The following ZNF438 variants were observed in gnomAD, a reference collection of about 807,000 sequenced individuals.
The protein encoded by ZNF438 is zinc finger protein 438.
In ZNF438, 25 loss-of-function variants were observed where a neutral mutation model predicts 38.0. That is an observed-to-expected ratio of 0.66 (90% confidence interval 0.48 to 0.92). The LOEUF (loss-of-function observed/expected upper bound fraction) is 0.92, where lower values mean the gene tolerates loss of function less well. ZNF438 is among the 40% of genes least tolerant of loss of function. The probability of loss-of-function intolerance (pLI) is 0.00; values close to 1 mark genes in which losing one functional copy is unlikely to be tolerated. For synonymous variants in ZNF438, 372 were observed against 364.1 expected, an observed-to-expected ratio of 1.02 and a Z score of -0.25; for missense variants, 1,007 against 999.6, an observed-to-expected ratio of 1.01 and a Z score of -0.10.
intron 2 of ZNF438, among the ~76,000 whole-genome samples, chr10:30,926,864 T>A (rs1046725430): frequency 6.6e-6 from 1 of 152,144 alleles, no homozygotes; most frequent in African/African-American, 2.4e-5. Context: ...AACTGGCCCA[T>A]TATATTTTCT....
At chr10:30,875,902 G>T (rs1260282396) in intron 4 of ZNF438, among the ~76,000 whole-genome samples, 1 of 152,252 alleles carries the variant, frequency 6.6e-6, no homozygotes, top group Non-Finnish European at 1.5e-5. Flanking sequence ...ATTAATAATA[G>T]CCATTGAGAA....
intron 1 of ZNF438, among the ~76,000 whole-genome samples, chr10:31,018,747 T>A (rs2133237625): frequency 6.6e-6 from 1 of 152,266 alleles, no homozygotes; most frequent in Non-Finnish European, 1.5e-5. Context: ...AGGGAGAAGA[T>A]GAAGAGTAGT....
exon 5 of ZNF438, chr10:30,848,623 G>C: frequency 1.2e-6 from 2 of 1,614,188 alleles, no homozygotes; most frequent in South Asian, 1.1e-5. Context: ...GCTCAGTGCT[G>C]ATCACAACCC....
At chr10:30,972,603 T>A (rs1206443869) in intron 1 of ZNF438, among the ~76,000 whole-genome samples, 1 of 152,144 alleles carries the variant, frequency 6.6e-6, no homozygotes, top group Non-Finnish European at 1.5e-5. Context: ...GTAAGCCACA[T>A]GCACCATGGG....
chr10:30,902,779 G>C (rs2042166470), intron 3 of ZNF438, among the ~76,000 whole-genome samples: 1 of 152,224 alleles, frequency 6.6e-6, no homozygotes, highest in African/African-American at 2.4e-5. Flanking sequence ...GCCGCAGGTG[G>C]AGCTGCCTGC....
chr10:31,008,691 T>C lies in ZNF438; in HGVS notation c.-192+23142A>G, dbSNP rs139522537. ...ATATATTCATCAGCTGATAGATATC[T>C]AGGTTGTTTCCGCTGTTTAGCTATT... On this transcript the variant is annotated intron_variant, in intron 1 of 5. Coordinates refer to ENST00000413025, the Ensembl canonical transcript of ZNF438. 1.1e-4 allele frequency among the ~76,000 whole-genome samples: 16 copies of C among 152,354 alleles called. No individual in the cohort carries two copies. In the East Asian group the frequency reaches 3.1e-3, roughly 29 times the overall value.
intron 2 of ZNF438, among the ~76,000 whole-genome samples, chr10:30,940,926 T>A (rs192848217): frequency 1.3e-5 from 2 of 152,152 alleles, no homozygotes; most frequent in South Asian, 2.1e-4. Context: ...AAAAACTATA[T>A]ATATATATTA....
Position 30,961,267 on chromosome 10 carries a change from T to A in ZNF438, c.-191-19616A>T, listed in dbSNP as rs879865590. On this transcript the variant is annotated intron_variant, in intron 1 of 5. Coordinates refer to ENST00000413025, the Ensembl canonical transcript of ZNF438. ...AAAAAAAAAAAATTAAAAAAAAAAA[T>A]TTTTTAATTTATTATACCTTTTTAA... is the stretch of plus-strand genomic sequence containing the variant. 1.9e-3 allele frequency among the ~76,000 whole-genome samples: 227 copies of A among 120,304 alleles called. 25 individuals carry two copies. Among genetic ancestry groups the A allele is most frequent in the Admixed American group, 2.5e-3 (30 of 12,036 alleles). The allele number at this position is 120,304 out of a possible 152,430, so 78.9% of individuals were successfully genotyped here.
intron 2 of ZNF438, among the ~76,000 whole-genome samples, chr10:30,936,810 A>G (rs1000669566): frequency 3.9e-5 from 6 of 152,250 alleles, no homozygotes; most frequent in Non-Finnish European, 8.8e-5. Context: ...CTGTTTTTAA[A>G]TATTTTATGA....
chr10:31,031,285 G>A (rs1589791417), intron 1 of ZNF438, among the ~76,000 whole-genome samples: 1 of 152,144 alleles, frequency 6.6e-6, no homozygotes, highest in South Asian at 2.1e-4. Context: ...TAGTGCTGTG[G>A]GAACAACCAT....
At chr10:30,874,682 G>A (rs2038138880) in intron 4 of ZNF438, among the ~76,000 whole-genome samples, 1 of 151,666 alleles carries the variant, frequency 6.6e-6, no homozygotes, top group African/African-American at 2.4e-5. Context: ...GGTTTAAAAT[G>A]GCTTTAAGCA....
chr10:31,007,806 TAGTC>T (rs1191654551), intron 1 of ZNF438, among the ~76,000 whole-genome samples: 2 of 152,140 alleles, frequency 1.3e-5, no homozygotes, highest in South Asian at 2.1e-4. Context: ...TGAAACCAAA[TAGTC>T]AGCAGAAAGA....
intron 4 of ZNF438, chr10:30,875,561 A>C: frequency 1.0e-6 from 1 of 985,474 alleles, no homozygotes; most frequent in African/African-American, 1.7e-5. Context: ...CAAACCCTTC[A>C]TCAGCTACCA....
chr10:30,895,738 C>T (rs375031282), intron 3 of ZNF438, among the ~76,000 whole-genome samples: 1 of 152,114 alleles, frequency 6.6e-6, no homozygotes, highest in African/African-American at 2.4e-5. Flanking sequence ...AAATGGCCAA[C>T]AAGCATATTA....
intron 1 of ZNF438, among the ~76,000 whole-genome samples, chr10:30,992,345 T>C (rs1264147587): frequency 6.6e-6 from 1 of 151,976 alleles, no homozygotes; most frequent in Non-Finnish European, 1.5e-5. Flanking sequence ...AAAACCTGCA[T>C]TGCCATAAAT....
At chr10:30,989,171 T>G (rs2053187471) in intron 1 of ZNF438, among the ~76,000 whole-genome samples, 1 of 152,218 alleles carries the variant, frequency 6.6e-6, no homozygotes, top group Non-Finnish European at 1.5e-5. Context: ...TTCTACATGT[T>G]TGATTTGCCA....
chr10:30,870,186 C>A (rs971948825), intron 4 of ZNF438, among the ~76,000 whole-genome samples: 3 of 152,102 alleles, frequency 2.0e-5, no homozygotes, highest in Non-Finnish European at 4.4e-5. Context: ...ACAGTTGATT[C>A]TCATTATTTG....
intron 1 of ZNF438, among the ~76,000 whole-genome samples, chr10:30,993,193 G>A (rs1283370350): frequency 6.6e-6 from 1 of 152,214 alleles, no homozygotes; most frequent in African/African-American, 2.4e-5. Flanking sequence ...AAGGGACCCA[G>A]AGGCTATTCA....
chr10:30,925,596 G>A (rs1200166908), intron 2 of ZNF438, among the ~76,000 whole-genome samples: 1 of 152,170 alleles, frequency 6.6e-6, no homozygotes, highest in Admixed American at 6.5e-5. Context: ...GGAAGTGGTT[G>A]CCCAGTCAAA....
Sources: gnomAD v4.1 joint callset for allele counts (sites outside exome capture counted in the v4.1 genomes callset) on GRCh38, gnomAD v4.1.1 for gene constraint, MANE v1.5 for transcripts, NCBI Gene and HGNC (gene_info 2026-07-23, HGNC 2026-07-21) for gene names.